Variants in PPM1L observed in about 807,000 individuals in gnomAD.
PPM1L encodes protein phosphatase 1L.
PPM1L carries 13 observed loss-of-function variants against 31.4 expected under a neutral mutation model. The observed-to-expected ratio is 0.41, with a 90% CI of 0.27 to 0.66. PPM1L has a LOEUF of 0.66. Ranked by LOEUF, PPM1L falls within the 30% of genes least tolerant of loss-of-function variation. The pLI is 0.29. For synonymous variants in PPM1L, 184 were observed against 175.4 expected (o/e 1.05, Z -0.39); for missense variants, 326 against 453.7 (o/e 0.72, Z 2.56).
chr3:160,784,135 C>T (rs531627575), intron 1 of PPM1L, among the ~76,000 whole-genome samples: 46 of 152,128 alleles, frequency 3.0e-4, no homozygotes, highest in Admixed American at 8.5e-4. Flanking sequence ...TTTTAATGTA[C>T]TTCATAATGC....
chr3:160,955,048 G>A (rs1715725689), intron 1 of PPM1L, among the ~76,000 whole-genome samples: 1 of 145,650 alleles, frequency 6.9e-6, no homozygotes, highest in Non-Finnish European at 1.5e-5. Context: ...GTATCACTCT[G>A]TCATCAGGCT....
chr3:160,905,934 C>A (rs963237064), intron 1 of PPM1L, among the ~76,000 whole-genome samples: 1 of 152,046 alleles, frequency 6.6e-6, no homozygotes, highest in African/African-American at 2.4e-5. Flanking sequence ...CTTTTAAAAT[C>A]TTAGCCCTAG....
chr3:161,036,066 G>A (rs1033206868), intron 2 of PPM1L: 10 of 152,308 alleles, frequency 6.6e-5, no homozygotes, highest in Non-Finnish European at 1.3e-4. Context: ...ACTCTGCTTT[G>A]ACATATTCTA....
At chr3:160,874,171 G>T (rs1319014896) in intron 1 of PPM1L, among the ~76,000 whole-genome samples, 2 of 152,180 alleles carry the variant, frequency 1.3e-5, no homozygotes, top group African/African-American at 2.4e-5. Flanking sequence ...TGTGAATTAG[G>T]TTCAGCCAAT....
At chr3:160,963,962 A>G (rs1438605727) in intron 2 of PPM1L, among the ~76,000 whole-genome samples, 1 of 152,066 alleles carries the variant, frequency 6.6e-6, no homozygotes, top group Non-Finnish European at 1.5e-5. Flanking sequence ...TACTGGTGTG[A>G]TCTTCAGCAA....
At position 161,068,742 on chromosome 3, in the gene PPM1L, G is replaced by A. The variant is rs576945985; in HGVS notation, c.737-69G>A. 7.4e-5 allele frequency: 97 copies of A among 1,316,006 alleles called. 1 individual carries two copies. The highest frequency in any genetic ancestry group is 2.3e-4 in the South Asian group (16 of 70,850). 81.5% of individuals were successfully genotyped at this position (1,316,006 alleles called of 1,614,324 possible). On this transcript the variant is annotated intron_variant, in intron 3 of 3. Transcript: ENST00000498165. ...TGAAGTAGGTCACCCTGTTGCGCAC[G>A]TACCTAGACTATCCCAGGTAAGTGA...
At chr3:160,879,768 G>A (rs1712641412) in intron 1 of PPM1L, among the ~76,000 whole-genome samples, 1 of 152,170 alleles carries the variant, frequency 6.6e-6, no homozygotes, top group Admixed American at 6.5e-5. Context: ...TGTAAGTCTA[G>A]GGTGTGTGCA....
intron 2 of PPM1L, among the ~76,000 whole-genome samples, chr3:161,064,363 T>C (rs1370045902): frequency 6.9e-6 from 1 of 145,344 alleles, no homozygotes; most frequent in Non-Finnish European, 1.5e-5. Context: ...CAAGACCCTA[T>C]CTCTTAAAAA....
intron 1 of PPM1L, among the ~76,000 whole-genome samples, chr3:160,856,206 C>G (rs1711696517): frequency 6.6e-6 from 1 of 152,122 alleles, no homozygotes; most frequent in South Asian, 2.1e-4. Context: ...AGTCCACTTA[C>G]ACAAATGTTG....
intron 2 of PPM1L, among the ~76,000 whole-genome samples, chr3:160,968,513 A>G (rs766530359): frequency 6.6e-6 from 1 of 152,206 alleles, no homozygotes; most frequent in South Asian, 2.1e-4. Context: ...ATCTTTCCTC[A>G]TATTTATTTT....
At chr3:160,963,205 GAAAAC>G (rs1716021928) in intron 2 of PPM1L, among the ~76,000 whole-genome samples, 1 of 151,996 alleles carries the variant, frequency 6.6e-6, no homozygotes, top group Non-Finnish European at 1.5e-5. Flanking sequence ...TTTATGGTGA[GAAAAC>G]AAACTCATAG....
chr3:161,065,497 C>T lies in PPM1L; in HGVS notation c.669C>T (p.Asn223=), dbSNP rs754388001. ...SRGVLCDKDG[N]AIPLSHDHKP... Reference sequence around the variant, plus strand: ...GGGTCCTGTGTGACAAAGATGGGAACGCTATTCCTTTGTCTCATGATCACA... The same window carrying T: ...GGGTCCTGTGTGACAAAGATGGGAATGCTATTCCTTTGTCTCATGATCACA... Residue 223 remains asparagine (N), a synonymous_variant, in exon 3 of 4, where the codon AAC becomes AAT. Transcript: ENST00000498165. 1.7e-5 allele frequency: 27 copies of T among 1,613,826 alleles called. No homozygotes were observed. The highest frequency in any genetic ancestry group is 2.1e-5 in the Non-Finnish European group (25 of 1,179,910).
intron 1 of PPM1L, among the ~76,000 whole-genome samples, chr3:160,938,420 T>A (rs1483346459): frequency 1.3e-5 from 2 of 152,210 alleles, no homozygotes; most frequent in African/African-American, 4.8e-5. Context: ...CTTGCGAGAT[T>A]ACCACTTAAT....
chr3:160,808,456 GCA>G (rs1712707525), intron 1 of PPM1L, among the ~76,000 whole-genome samples: 1 of 148,238 alleles, frequency 6.7e-6, no homozygotes, highest in Admixed American at 6.7e-5. Flanking sequence ...CATAAGAGCT[GCA>G]GTGCAGGTAA....
intron 1 of PPM1L, among the ~76,000 whole-genome samples, chr3:160,913,109 G>A (rs1393308195): frequency 6.6e-6 from 1 of 152,114 alleles, no homozygotes; most frequent in Non-Finnish European, 1.5e-5. Flanking sequence ...TAGATGAGGT[G>A]TTCCTGGAGA....
At chr3:160,938,279 T>C (rs1406811595) in intron 1 of PPM1L, among the ~76,000 whole-genome samples, 1 of 152,212 alleles carries the variant, frequency 6.6e-6, no homozygotes. Flanking sequence ...AACTGATGGC[T>C]GCTAAGTCAC....
At chr3:160,950,326 A>T (rs995139920) in intron 1 of PPM1L, among the ~76,000 whole-genome samples, 5 of 152,226 alleles carry the variant, frequency 3.3e-5, no homozygotes, top group African/African-American at 4.8e-5. Flanking sequence ...GATTGAAGCT[A>T]TAATGATAGA....
chr3:161,010,222 A>C (rs1321614149), intron 2 of PPM1L, among the ~76,000 whole-genome samples: 3 of 151,664 alleles, frequency 2.0e-5, no homozygotes, highest in Non-Finnish European at 4.4e-5. Context: ...CTCATTATTC[A>C]ATTCCCACCT....
At chr3:160,966,618 A>G (rs1716155948) in intron 2 of PPM1L, among the ~76,000 whole-genome samples, 2 of 152,144 alleles carry the variant, frequency 1.3e-5, no homozygotes, top group Admixed American at 6.6e-5. Context: ...TGCAAGAAAT[A>G]TGGGATTCAT....
Sources: gnomAD v4.1 joint callset for allele counts (sites outside exome capture counted in the v4.1 genomes callset) on GRCh38, gnomAD v4.1.1 for gene constraint, MANE v1.5 for transcripts, NCBI Gene and HGNC (gene_info 2026-07-23, HGNC 2026-07-21) for gene names.